RARB: variants seen among roughly 807,000 people sequenced by gnomAD.
RARB encodes the protein HBV-activated protein.
A neutral mutation model predicts 51.9 loss-of-function variants in RARB; 17 were observed. The ratio of observed to expected loss-of-function variants is 0.33; its 90% CI spans 0.22 to 0.49. The LOEUF (loss-of-function observed/expected upper bound fraction) is 0.49, where lower values mean the gene tolerates loss of function less well. RARB is among the 20% of genes least tolerant of loss of function. The pLI is 0.99. For synonymous variants in RARB, 215 were observed against 195.4 expected (o/e 1.10, Z -0.84); for missense variants, 369 against 550.8 (o/e 0.67, Z 3.30).
At chr3:25,161,215 A>C (rs555963292) in intron 4 of RARB, among the ~76,000 whole-genome samples, 1 of 105,574 alleles carries the variant, frequency 9.5e-6, no homozygotes, top group African/African-American at 3.6e-5. Context: ...TATTATTATT[A>C]TTTTGTATTT....
At chr3:25,118,985 G>A (rs1262042273) in intron 3 of RARB, among the ~76,000 whole-genome samples, 1 of 152,114 alleles carries the variant, frequency 6.6e-6, no homozygotes, top group Non-Finnish European at 1.5e-5. Flanking sequence ...TTTGACCAAT[G>A]TCATTCCCAG....
chr3:25,184,402 G>A (rs543475950), intron 5 of RARB, among the ~76,000 whole-genome samples: 3 of 152,212 alleles, frequency 2.0e-5, no homozygotes, highest in South Asian at 4.1e-4. Context: ...GTGGTCCCGC[G>A]AGAAGTACTG....
chr3:25,378,342 G>A (rs1178017641), intron 5 of RARB, among the ~76,000 whole-genome samples: 1 of 152,192 alleles, frequency 6.6e-6, no homozygotes, highest in Non-Finnish European at 1.5e-5. Context: ...TGATGGGACA[G>A]CTGAAGTGGC....
intron 2 of RARB, among the ~76,000 whole-genome samples, chr3:25,481,974 G>A (rs1028424646): frequency 2.6e-5 from 4 of 152,176 alleles, no homozygotes; most frequent in African/African-American, 9.7e-5. Context: ...GCACAGAGAG[G>A]TTATGTAACT....
At chr3:24,955,344 G>T (rs1301923120) in intron 2 of RARB, among the ~76,000 whole-genome samples, 1 of 151,378 alleles carries the variant, frequency 6.6e-6, no homozygotes, top group Admixed American at 6.6e-5. Flanking sequence ...GCCAGCTGAG[G>T]TCTGGGGTTT....
At chr3:25,566,532 C>G (rs751616448) in intron 3 of RARB, among the ~76,000 whole-genome samples, 1 of 152,220 alleles carries the variant, frequency 6.6e-6, no homozygotes, top group Non-Finnish European at 1.5e-5. Context: ...TGTGTGATCA[C>G]TGCACAACCC....
chr3:25,134,896 T>A (rs1208225910), intron 4 of RARB, among the ~76,000 whole-genome samples: 1 of 151,996 alleles, frequency 6.6e-6, no homozygotes. Context: ...TGCACAGACT[T>A]TTTCCCCATG....
intron 1 of RARB, among the ~76,000 whole-genome samples, chr3:25,453,375 G>A (rs1181000967): frequency 6.6e-6 from 1 of 151,410 alleles, no homozygotes; most frequent in Non-Finnish European, 1.5e-5. Flanking sequence ...AGCCTCCCGA[G>A]TAGCTGGGAT....
intron 3 of RARB, among the ~76,000 whole-genome samples, chr3:25,564,664 T>A (rs1378474403): frequency 6.6e-6 from 1 of 152,120 alleles, no homozygotes; most frequent in Non-Finnish European, 1.5e-5. Flanking sequence ...GTGGGTCGGA[T>A]CTTGTATTAA....
At chr3:25,505,934 A>G (rs1231220891) in intron 3 of RARB, among the ~76,000 whole-genome samples, 1 of 152,218 alleles carries the variant, frequency 6.6e-6, no homozygotes, top group Non-Finnish European at 1.5e-5. Flanking sequence ...TATAGATAAT[A>G]GCTAATGGTC....
chr3:25,543,449 C>T (rs187041753), intron 3 of RARB, among the ~76,000 whole-genome samples: 117 of 152,134 alleles, frequency 7.7e-4, no homozygotes, highest in African/African-American at 2.7e-3. Context: ...ATAATTAAAC[C>T]GTGTACTTCA....
chr3:25,449,415 C>A (rs1709092342), intron 1 of RARB, among the ~76,000 whole-genome samples: 1 of 151,876 alleles, frequency 6.6e-6, no homozygotes. Context: ...TAACTTCTTT[C>A]TTTTGAATTT....
intron 5 of RARB, among the ~76,000 whole-genome samples, chr3:25,332,305 C>T (rs1704923969): frequency 6.6e-6 from 1 of 152,166 alleles, no homozygotes; most frequent in Non-Finnish European, 1.5e-5. Flanking sequence ...AATCCAGCAG[C>T]ACATCAAAAA....
At chr3:25,397,222 C>G (rs1559384472) in intron 5 of RARB, among the ~76,000 whole-genome samples, 1 of 152,138 alleles carries the variant, frequency 6.6e-6, no homozygotes, top group East Asian at 1.9e-4. Context: ...CAGGGCTCTT[C>G]CTGCTGCTTC....
intron 1 of RARB, among the ~76,000 whole-genome samples, chr3:24,835,755 C>T (rs1367503203): frequency 1.3e-5 from 2 of 152,098 alleles, no homozygotes; most frequent in Non-Finnish European, 2.9e-5. Context: ...AGAGCGCTGT[C>T]GAGATGCCCA....
At chr3:25,515,727 A>C (rs1698131998) in intron 3 of RARB, among the ~76,000 whole-genome samples, 1 of 152,204 alleles carries the variant, frequency 6.6e-6, no homozygotes, top group Admixed American at 6.5e-5. Context: ...TCTATATGAT[A>C]ATGAGAAGAA....
chr3:25,022,117 G>A (rs1020912179), intron 2 of RARB, among the ~76,000 whole-genome samples: 1 of 152,134 alleles, frequency 6.6e-6, no homozygotes, highest in Non-Finnish European at 1.5e-5. Context: ...AAACTGGAGA[G>A]CTTTGAATTT....
chr3:24,923,481 G>T (rs1193661483), intron 2 of RARB, among the ~76,000 whole-genome samples: 1 of 151,948 alleles, frequency 6.6e-6, no homozygotes, highest in Non-Finnish European at 1.5e-5. Flanking sequence ...ACCTTATATA[G>T]GCACTCTTCT....
chr3:25,182,478 GTGTAGCCAA>G (rs551111135), intron 5 of RARB, among the ~76,000 whole-genome samples: 2 of 152,168 alleles, frequency 1.3e-5, no homozygotes, highest in South Asian at 2.1e-4. Flanking sequence ...ATTTCTTGAT[GTGTAGCCAA>G]TGTAGCCAAT....
Sources: allele counts gnomAD v4.1 joint callset (sites outside exome capture counted in the v4.1 genomes callset), GRCh38; gene constraint gnomAD v4.1.1; transcripts MANE v1.5; gene names NCBI Gene and HGNC (gene_info 2026-07-23, HGNC 2026-07-21).